Variants in COL4A4 observed in about 807,000 individuals in gnomAD.
COL4A4 encodes the protein collagen alpha-4(IV) chain.
A neutral mutation model predicts 192.9 loss-of-function variants in COL4A4; 105 were observed. That is an observed-to-expected ratio of 0.54 (90% confidence interval 0.46 to 0.64). COL4A4 has a LOEUF of 0.64. COL4A4 is among the 30% of genes least tolerant of loss of function. The pLI, the probability that COL4A4 is intolerant of heterozygous loss-of-function variation, is 0.00. For synonymous variants in COL4A4, 762 were observed against 769.9 expected, an observed-to-expected ratio of 0.99 and a Z score of 0.17; for missense variants, 1,967 against 2,169.3, an observed-to-expected ratio of 0.91 and a Z score of 1.85.
At chr2:226,984,790 ACCC>A in the COL4A4 span, among the ~76,000 whole-genome samples, 1 of 152,054 alleles carries the variant, frequency 6.6e-6, no homozygotes, top group African/African-American at 2.4e-5. Context: ...GGCCAGAGAA[ACCC>A]CCAAGTCAAA....
intron 1 of COL4A4, among the ~76,000 whole-genome samples, chr2:227,161,417 T>C (rs1232831272): frequency 6.6e-6 from 1 of 152,246 alleles, no homozygotes; most frequent in East Asian, 1.9e-4. Flanking sequence ...GTCCTTTGAA[T>C]GTACGAAAAG....
At chr2:227,139,679 A>T (rs2063064871) in intron 4 of COL4A4, among the ~76,000 whole-genome samples, 1 of 152,242 alleles carries the variant, frequency 6.6e-6, no homozygotes, top group African/African-American at 2.4e-5. Flanking sequence ...CTCATAGAAC[A>T]GTGCCTGGCA....
chr2:227,042,322 A>G, intron 36 of COL4A4, 67 bp from the exon 37 acceptor site: 1 of 889,556 alleles, frequency 1.1e-6, no homozygotes, highest in Non-Finnish European at 1.9e-6. Context: ...TGCAAAAGTC[A>G]TCTATGTTCT....
At position 227,007,589 on chromosome 2, in the gene COL4A4, C is replaced by T; in HGVS notation, c.4810-1G>A. 1 of 1,612,376 alleles carries T rather than the reference C, an allele frequency of 6.2e-7. No individual in the cohort carries two copies. Among genetic ancestry groups the T allele is most frequent in the South Asian group, 1.1e-5 (1 of 91,004 alleles). ...CTCCTTGGTCCCCAGCTCCTGTGTG[C>T]TACCCAGAAAACAAGAGAGAATTAG... On this transcript the variant is annotated splice_acceptor_variant, in intron 47 of 47. Coordinates refer to ENST00000396625, the MANE Select transcript of COL4A4 (RefSeq NM_000092.5). LOFTEE classifies it high-confidence loss of function.
chr2:227,128,824 G>A (rs1035723660), intron 4 of COL4A4, among the ~76,000 whole-genome samples: 1 of 152,018 alleles, frequency 6.6e-6, no homozygotes, highest in African/African-American at 2.4e-5. Flanking sequence ...CCATGCAACC[G>A]TCAATGAATC....
intron 19 of COL4A4, among the ~76,000 whole-genome samples, chr2:227,094,785 T>C (rs776972897): frequency 2.6e-5 from 4 of 152,230 alleles, no homozygotes; most frequent in Admixed American, 6.5e-5. Context: ...TTGTACAATG[T>C]ATACATATAT....
At chr2:226,983,939 A>G in the COL4A4 span, among the ~76,000 whole-genome samples, 5 of 152,302 alleles carry the variant, frequency 3.3e-5, no homozygotes, top group East Asian at 5.8e-4. Context: ...GCAAAACGCA[A>G]TGGTGTGGGG....
At chr2:227,002,322 G>A (rs184060596), downstream of COL4A4, among the ~76,000 whole-genome samples, 86 of 149,700 alleles carry the variant, frequency 5.7e-4, no homozygotes, top group Middle Eastern at 3.4e-3. Flanking sequence ...CAATATCTTT[G>A]GTTTCATAAA....
intron 12 of COL4A4, among the ~76,000 whole-genome samples, chr2:227,107,910 A>T (rs1280165061): frequency 2.6e-5 from 4 of 151,518 alleles, no homozygotes; most frequent in Admixed American, 2.6e-4. Context: ...GGCACGCACC[A>T]CCACGCCCAG....
intron 40 of COL4A4, among the ~76,000 whole-genome samples, chr2:227,031,398 C>A (rs1968370047): frequency 6.6e-6 from 1 of 152,212 alleles, no homozygotes; most frequent in Non-Finnish European, 1.5e-5. Flanking sequence ...CAACTCCCAA[C>A]CCAGCTCTAG....
At chr2:227,126,239 G>A (rs564359912) in intron 4 of COL4A4, among the ~76,000 whole-genome samples, 14 of 152,292 alleles carry the variant, frequency 9.2e-5, no homozygotes, top group Admixed American at 3.9e-4. Context: ...ATGCAATTTC[G>A]TATCAGGGAC....
rs926605269 is a variant in COL4A4, at chr2:227,089,922, C to A, written c.1405G>T (p.Gly469Ter). 2 of 1,613,470 alleles carry A rather than the reference C, an allele frequency of 1.2e-6. No individual in the cohort carries two copies. The highest frequency in any genetic ancestry group is 1.7e-6 in the Non-Finnish European group (2 of 1,179,742). The change falls in exon 21 of 48, where the codon GGA becomes TGA. Residue 469 changes from glycine to a stop codon, truncating the protein, a stop_gained. Transcript: ENST00000396625. LOFTEE classifies it high-confidence loss of function. ...YCSVGNPGPQ[G>*]IKGKVGPPGG... ...GGGGGACCAACTTTGCCTTTTATTCCTTGTGGTCCGGGGTTCCCAACACTA... is the reference window on the plus strand; with the variant it reads ...GGGGGACCAACTTTGCCTTTTATTCATTGTGGTCCGGGGTTCCCAACACTA...
intron 19 of COL4A4, among the ~76,000 whole-genome samples, chr2:227,094,606 A>C (rs932013213): frequency 3.3e-5 from 5 of 152,176 alleles, no homozygotes; most frequent in Non-Finnish European, 5.9e-5. Context: ...CAAGATAAAT[A>C]AGTTCCAGAG....
intron 25 of COL4A4, among the ~76,000 whole-genome samples, chr2:227,069,830 C>T (rs1247545962): frequency 6.6e-6 from 1 of 151,300 alleles, no homozygotes; most frequent in Non-Finnish European, 1.5e-5. Flanking sequence ...ATGTCTAAAA[C>T]ACCAAAAGCA....
the COL4A4 span, among the ~76,000 whole-genome samples, chr2:226,982,608 C>T: frequency 1.3e-5 from 2 of 152,160 alleles, no homozygotes; most frequent in African/African-American, 4.8e-5. Flanking sequence ...ATTTCATAGA[C>T]AAAACAAATA....
chr2:227,070,417 C>G (rs903997179), intron 25 of COL4A4, among the ~76,000 whole-genome samples: 10 of 152,080 alleles, frequency 6.6e-5, no homozygotes, highest in African/African-American at 2.4e-4. Context: ...GACACATGCA[C>G]ACGTATGTTT....
intron 8 of COL4A4, among the ~76,000 whole-genome samples, chr2:227,114,392 C>T (rs1431966523): frequency 6.6e-6 from 1 of 152,188 alleles, no homozygotes; most frequent in Non-Finnish European, 1.5e-5. Context: ...TAAATACATC[C>T]CTTGCAGTTC....
chr2:227,151,593 C>T (rs530116061), intron 1 of COL4A4, among the ~76,000 whole-genome samples: 1 of 152,294 alleles, frequency 6.6e-6, no homozygotes, highest in East Asian at 1.9e-4. Context: ...ATTCTTTTAA[C>T]TTCTCTTGAG....
At chr2:227,064,771 G>A (rs1039153690) in intron 25 of COL4A4, among the ~76,000 whole-genome samples, 3 of 152,168 alleles carry the variant, frequency 2.0e-5, no homozygotes, top group South Asian at 2.1e-4. Flanking sequence ...CAAGAATTTC[G>A]TATTCCACAA....
Sources: gnomAD v4.1 joint callset for allele counts (sites outside exome capture counted in the v4.1 genomes callset) on GRCh38, gnomAD v4.1.1 for gene constraint, MANE v1.5 for transcripts, NCBI Gene and HGNC (gene_info 2026-07-23, HGNC 2026-07-21) for gene names.